NEDD4L: variants seen among roughly 807,000 people sequenced by gnomAD.
The protein encoded by NEDD4L is E3 ubiquitin-protein ligase NEDD4-like.
In NEDD4L, 54 loss-of-function variants were observed where a neutral mutation model predicts 148.9. The observed-to-expected ratio is 0.36, with a 90% CI of 0.29 to 0.45. NEDD4L has a LOEUF of 0.45. Ranked by LOEUF, NEDD4L falls within the 20% of genes least tolerant of loss-of-function variation. NEDD4L has a pLI of 1.00. For missense variants in NEDD4L, 856 were observed against 1,233.8 expected, an observed-to-expected ratio of 0.69 and a Z score of 4.59; for synonymous variants, 433 against 440.7, an observed-to-expected ratio of 0.98 and a Z score of 0.22.
chr18:58,259,100 C>T (rs1176263686), intron 5 of NEDD4L, among the ~76,000 whole-genome samples: 1 of 152,188 alleles, frequency 6.6e-6, no homozygotes, highest in East Asian at 1.9e-4. Context: ...ACAACGTGCT[C>T]ATATTTCATA....
chr18:58,249,849 C>T (rs1287442959), intron 4 of NEDD4L, among the ~76,000 whole-genome samples: 1 of 152,238 alleles, frequency 6.6e-6, no homozygotes, highest in Non-Finnish European at 1.5e-5. Flanking sequence ...TGAAATATGG[C>T]ACTGATACTT....
At chr18:58,051,113 T>C (rs8083748) in intron 1 of NEDD4L, among the ~76,000 whole-genome samples, 137,502 of 152,232 alleles carry the variant, frequency 0.9, 62,182 homozygotes, top group East Asian at 1. Flanking sequence ...AAAAACTTAG[T>C]TGCGTGTTGT....
intron 1 of NEDD4L, among the ~76,000 whole-genome samples, chr18:58,092,503 G>A (rs1262047574): frequency 6.6e-6 from 1 of 152,138 alleles, no homozygotes; most frequent in Non-Finnish European, 1.5e-5. Context: ...AGGAGCACTA[G>A]GCAGGGCATT....
chr18:58,141,198 CT>C (rs1157725426), intron 1 of NEDD4L, among the ~76,000 whole-genome samples: 4 of 152,206 alleles, frequency 2.6e-5, no homozygotes, highest in African/African-American at 9.7e-5. Flanking sequence ...TCCCTCCTTA[CT>C]GGTGTTGGAG....
chr18:58,308,176 G>A (rs2057280053), intron 5 of NEDD4L, among the ~76,000 whole-genome samples: 1 of 152,076 alleles, frequency 6.6e-6, no homozygotes, highest in Non-Finnish European at 1.5e-5. Context: ...ATATCAGTTT[G>A]CTTTGTAAGA....
At chr18:58,092,122 G>A (rs940082562) in intron 1 of NEDD4L, among the ~76,000 whole-genome samples, 3 of 152,262 alleles carry the variant, frequency 2.0e-5, no homozygotes, top group African/African-American at 7.2e-5. Context: ...GAGTAAAAGA[G>A]GGGATGGCAG....
intron 2 of NEDD4L, among the ~76,000 whole-genome samples, chr18:58,179,358 A>G (rs577779349): frequency 6.6e-6 from 1 of 152,310 alleles, no homozygotes; most frequent in African/African-American, 2.4e-5. Context: ...CTCTGGAATC[A>G]TCTGTCTCCG....
At chr18:58,103,190 T>A (rs2084868123) in intron 1 of NEDD4L, among the ~76,000 whole-genome samples, 1 of 149,670 alleles carries the variant, frequency 6.7e-6, no homozygotes, top group South Asian at 2.1e-4. Context: ...TCAAACTATT[T>A]GCTATATATA....
chr18:58,378,641 T>C (rs1238594791), intron 24 of NEDD4L, among the ~76,000 whole-genome samples: 1 of 152,078 alleles, frequency 6.6e-6, no homozygotes, highest in South Asian at 2.1e-4. Context: ...GCCTGGTTGG[T>C]GGAGTGATGG....
chr18:58,238,024 T>A (rs369652229), intron 2 of NEDD4L, among the ~76,000 whole-genome samples: 3 of 152,272 alleles, frequency 2.0e-5, no homozygotes, highest in Non-Finnish European at 4.4e-5. Flanking sequence ...TTCGGCAGCT[T>A]CAGAGACTAT....
At chr18:58,255,965 C>T in intron 5 of NEDD4L, 1 of 1,230,940 alleles carries the variant, frequency 8.1e-7, no homozygotes, top group Non-Finnish European at 1.0e-6. Context: ...CGGGTGCGGG[C>T]CGCCCGAGGG....
chr18:58,387,668 C>A, intron 27 of NEDD4L, 170 bp downstream of exon 27: 1 of 762,234 alleles, frequency 1.3e-6, no homozygotes, highest in Non-Finnish European at 1.9e-6. Context: ...GGTTCTATTA[C>A]ATGTCTCTTA....
At chr18:58,068,694 G>A (rs1391168542) in intron 1 of NEDD4L, among the ~76,000 whole-genome samples, 3 of 152,306 alleles carry the variant, frequency 2.0e-5, no homozygotes, top group South Asian at 2.1e-4. Context: ...GTTATTTTCC[G>A]TTGATTCAAA....
intron 8 of NEDD4L, 101 bp from the exon 9 acceptor site, chr18:58,324,894 GC>G: frequency 9.2e-7 from 1 of 1,088,392 alleles, no homozygotes; most frequent in Non-Finnish European, 1.3e-6. Flanking sequence ...GAGCCAGAGA[GC>G]CCCAGAGCAA....
intron 16 of NEDD4L, among the ~76,000 whole-genome samples, chr18:58,348,326 C>CTTTTTTTTCTTTTTTTTTTTTTT (rs2043371626): frequency 1.0e-4 from 9 of 88,672 alleles, no homozygotes; most frequent in African/African-American, 3.8e-4. Flanking sequence ...TCTTTTTTTT[C>CTTTTTTTTCTTTTTTTTTTTTTT]TTTTTTTTTT....
At chr18:58,162,814 AGCACTTTGGGAGACTGAG>A (rs1404607084) in intron 1 of NEDD4L, among the ~76,000 whole-genome samples, 3 of 151,968 alleles carry the variant, frequency 2.0e-5, no homozygotes, top group Non-Finnish European at 2.9e-5. Flanking sequence ...CTGTAATCCC[AGCACTTTGGGAGACTGAG>A]GCTGGTGTAT....
rs112032588 is a variant in NEDD4L at position 58,324,611 on chromosome 18, C to T, written c.514-385C>T. Among the ~76,000 whole-genome samples, 44 of 152,324 alleles carry T rather than the reference C, an allele frequency of 2.9e-4. No individual in the cohort carries two copies. In the East Asian group the frequency reaches 5.2e-3, roughly 18 times the overall value. On this transcript the variant is annotated intron_variant, in intron 8 of 30. Transcript: ENST00000400345. ...TGAAAAGATGGCAGCTGTACTGTGA[C>T]GCACATCATTGGCAGGGCTTTGTAC... is the stretch of plus-strand genomic sequence containing the variant.
chr18:58,291,305 C>A (rs1182337301), intron 5 of NEDD4L, among the ~76,000 whole-genome samples: 1 of 152,230 alleles, frequency 6.6e-6, no homozygotes, highest in African/African-American at 2.4e-5. Flanking sequence ...AGATAGGTCA[C>A]CTTTTCTCAT....
intron 1 of NEDD4L, among the ~76,000 whole-genome samples, chr18:58,097,797 T>C (rs529062426): frequency 6.6e-6 from 1 of 152,276 alleles, no homozygotes; most frequent in East Asian, 1.9e-4. Context: ...TTTGGGAGAC[T>C]CAGGCTGGAG....
Sources: allele counts gnomAD v4.1 joint callset (sites outside exome capture counted in the v4.1 genomes callset), GRCh38; gene constraint gnomAD v4.1.1; transcripts MANE v1.5; gene names NCBI Gene and HGNC (gene_info 2026-07-23, HGNC 2026-07-21).